Variants in DLGAP1 observed in about 807,000 individuals in gnomAD.
DLGAP1 encodes disks large-associated protein 1.
A neutral mutation model predicts 90.8 loss-of-function variants in DLGAP1; 11 were observed. The observed-to-expected ratio is 0.12, with a 90% CI of 0.08 to 0.20. DLGAP1 has a LOEUF of 0.20. Ranked by LOEUF, DLGAP1 falls within the 10% of genes least tolerant of loss-of-function variation. DLGAP1 has a pLI of 1.00. For synonymous variants in DLGAP1, 558 were observed against 540.7 expected (o/e 1.03, Z -0.44); for missense variants, 1,050 against 1,333.8 (o/e 0.79, Z 3.31).
intron 5 of DLGAP1, among the ~76,000 whole-genome samples, chr18:3,765,640 C>A (rs1405299785): frequency 6.6e-6 from 1 of 151,862 alleles, no homozygotes; most frequent in East Asian, 2.0e-4. Context: ...TCGAAACCAG[C>A]CTGGCCAACA....
intron 1 of DLGAP1, among the ~76,000 whole-genome samples, chr18:4,328,124 T>A (rs1360339664): frequency 6.6e-6 from 1 of 151,258 alleles, no homozygotes; most frequent in Non-Finnish European, 1.5e-5. Flanking sequence ...CCTACTAAGT[T>A]AGACATTTAG....
At chr18:3,793,327 T>C (rs1217450899) in intron 5 of DLGAP1, among the ~76,000 whole-genome samples, 1 of 152,098 alleles carries the variant, frequency 6.6e-6, no homozygotes, top group Non-Finnish European at 1.5e-5. Flanking sequence ...TCACTCTCAC[T>C]GTCCCGGAGG....
At chr18:3,822,433 G>A (rs1455477915) in intron 4 of DLGAP1, among the ~76,000 whole-genome samples, 1 of 152,140 alleles carries the variant, frequency 6.6e-6, no homozygotes, top group Non-Finnish European at 1.5e-5. Flanking sequence ...TACACCAAAA[G>A]CATTTTATAA....
intron 1 of DLGAP1, among the ~76,000 whole-genome samples, chr18:4,236,660 G>A (rs1282283405): frequency 6.6e-6 from 1 of 151,340 alleles, no homozygotes; most frequent in Non-Finnish European, 1.5e-5. Context: ...ATGCAATGTT[G>A]TTTATTCCCC....
chr18:3,561,433 C>A, intron 9 of DLGAP1, among the ~76,000 whole-genome samples: 1 of 80,904 alleles, frequency 1.2e-5, no homozygotes, highest in Admixed American at 1.5e-4. Flanking sequence ...AAGACTCCAT[C>A]TCCAAAAAAA....
At chr18:3,758,254 C>G in intron 5 of DLGAP1, among the ~76,000 whole-genome samples, 1 of 152,108 alleles carries the variant, frequency 6.6e-6, no homozygotes, top group East Asian at 1.9e-4. Context: ...CGTATTCAAA[C>G]CTGACCAATG....
At chr18:4,006,509 G>GCGC (rs1380354415) in intron 2 of DLGAP1, among the ~76,000 whole-genome samples, 2 of 149,030 alleles carry the variant, frequency 1.3e-5, no homozygotes, top group African/African-American at 5.2e-5. Context: ...CACTCTAAGA[G>GCGC]TGCTCCAGCT....
chr18:4,120,275 A>G lies in DLGAP1; in HGVS notation c.-159+30905T>C, dbSNP rs74613419. Among the ~76,000 whole-genome samples, 1,326 of 152,368 alleles carry G rather than the reference A, an allele frequency of 8.7e-3. 12 individuals carry two copies. The highest frequency in any genetic ancestry group is 0.054 in the East Asian group (278 of 5,188). On this transcript the variant is annotated intron_variant, in intron 2 of 12. Coordinates refer to ENST00000315677, the MANE Select transcript of DLGAP1 (RefSeq NM_004746.4). ...GCTACTAAATATATCAGAGTGCCCA[A>G]TTAAATTTCTACAGGTCATCAGATG...
intron 3 of DLGAP1, among the ~76,000 whole-genome samples, chr18:3,977,260 C>T (rs933680729): frequency 3.3e-5 from 5 of 151,854 alleles, no homozygotes; most frequent in East Asian, 1.9e-4. Flanking sequence ...TTAGTAGAGA[C>T]GGGGTTTTCC....
intron 5 of DLGAP1, among the ~76,000 whole-genome samples, chr18:3,804,536 G>T (rs1387040045): frequency 6.6e-6 from 1 of 152,194 alleles, no homozygotes; most frequent in African/African-American, 2.4e-5. Context: ...CTCCAGGTGG[G>T]CTGGCAATGC....
intron 5 of DLGAP1, among the ~76,000 whole-genome samples, chr18:3,759,604 C>T (rs944269184): frequency 3.9e-5 from 6 of 152,116 alleles, no homozygotes; most frequent in Non-Finnish European, 7.3e-5. Context: ...AAATGAATGC[C>T]GACTATGCAT....
At chr18:3,766,855 A>G (rs1299603381) in intron 5 of DLGAP1, among the ~76,000 whole-genome samples, 1 of 152,132 alleles carries the variant, frequency 6.6e-6, no homozygotes, top group African/African-American at 2.4e-5. Context: ...CACTAAATGT[A>G]TATGTTAGAA....
rs1438245943 is a variant in DLGAP1, at chr18:4,373,942, G to GA, written c.-267+81063dup. Among the ~76,000 whole-genome samples, 8 of 150,940 alleles carry GA rather than the reference G, an allele frequency of 5.3e-5. No homozygotes were observed. In the East Asian group the frequency reaches 9.7e-4, roughly 18 times the overall value. ...TAAGTAGGCAACAATTGGAGTCACC[G>GA]AAAAAAAAGAAAAGAAAAAAGAACC... is the stretch of plus-strand genomic sequence containing the variant. On this transcript the variant is annotated intron_variant, in intron 1 of 12. Coordinates refer to ENST00000315677, the MANE Select transcript of DLGAP1 (RefSeq NM_004746.4).
chr18:3,596,412 G>C (rs975962410), intron 7 of DLGAP1, among the ~76,000 whole-genome samples: 1 of 151,908 alleles, frequency 6.6e-6, no homozygotes, highest in Non-Finnish European at 1.5e-5. Flanking sequence ...TGTCTGCCTC[G>C]GCCTCCCAAA....
chr18:3,788,704 T>C (rs1194583117), intron 5 of DLGAP1, among the ~76,000 whole-genome samples: 1 of 152,186 alleles, frequency 6.6e-6, no homozygotes, highest in East Asian at 1.9e-4. Context: ...CCTATCACTA[T>C]CATTCTAGAG....
intron 2 of DLGAP1, among the ~76,000 whole-genome samples, chr18:4,010,893 C>T (rs924440831): frequency 2.0e-5 from 3 of 151,536 alleles, no homozygotes; most frequent in Non-Finnish European, 2.9e-5. Flanking sequence ...AAAATCCCTC[C>T]GGCCAGGCAC....
intron 4 of DLGAP1, among the ~76,000 whole-genome samples, chr18:3,854,075 A>G (rs1168755622): frequency 6.6e-6 from 1 of 152,156 alleles, no homozygotes; most frequent in Admixed American, 6.5e-5. Context: ...ATTTTACAAA[A>G]TGTACCCAAT....
At chr18:3,672,506 G>A (rs2060126978) in intron 7 of DLGAP1, among the ~76,000 whole-genome samples, 1 of 149,102 alleles carries the variant, frequency 6.7e-6, no homozygotes, top group Non-Finnish European at 1.5e-5. Context: ...GAACCTGGGA[G>A]GCAGAGGTTG....
At chr18:4,259,054 C>T (rs954897813) in intron 1 of DLGAP1, among the ~76,000 whole-genome samples, 1 of 152,128 alleles carries the variant, frequency 6.6e-6, no homozygotes, top group Non-Finnish European at 1.5e-5. Context: ...TGAATATATT[C>T]GTTGTACATA....
Sources: allele counts gnomAD v4.1 joint callset (sites outside exome capture counted in the v4.1 genomes callset), GRCh38; gene constraint gnomAD v4.1.1; transcripts MANE v1.5; gene names NCBI Gene and HGNC (gene_info 2026-07-23, HGNC 2026-07-21).